Variants in ABHD12B observed in about 807,000 individuals in gnomAD.
ABHD12B encodes protein ABHD12B.
In ABHD12B, 42 loss-of-function variants were observed where a neutral mutation model predicts 50.4. The ratio of observed to expected loss-of-function variants is 0.83; its 90% CI spans 0.65 to 1.08. ABHD12B has a LOEUF of 1.08. ABHD12B is among the 50% of genes least tolerant of loss of function. ABHD12B has a pLI of 0.00. For missense variants in ABHD12B, 479 were observed against 447.7 expected, an observed-to-expected ratio of 1.07 and a Z score of -0.63; for synonymous variants, 167 against 160.3, an observed-to-expected ratio of 1.04 and a Z score of -0.32.
chr14:50,885,322 T>C lies in ABHD12B; in HGVS notation c.487-292T>C, dbSNP rs2050021049. ...AGATGTTTCTGACAGTGCAACAAAC[T>C]TTCTTTTTAATCTTCATCGAATATA... On this transcript the variant is annotated intron_variant, in intron 5 of 12. Transcript: ENST00000337334. 2.0e-5 allele frequency among the ~76,000 whole-genome samples: 3 copies of C among 152,228 alleles called. No homozygotes were observed. The South Asian group carries it at 6.2e-4, about 31-fold the overall frequency.
chr14:50,880,245 C>T (rs181862917), intron 3 of ABHD12B, among the ~76,000 whole-genome samples: 1 of 143,428 alleles, frequency 7.0e-6, no homozygotes, highest in Non-Finnish European at 1.5e-5. Context: ...AAGGCATTGT[C>T]TCTGTGCATG....
chr14:50,878,079 T>C lies in ABHD12B; in HGVS notation c.232T>C (p.Phe78Leu). Residue 78 changes from phenylalanine (F) to leucine (L), a missense_variant and splice_region_variant, in exon 2 of 13, where the codon TTC (phenylalanine) becomes CTC (leucine). Transcript: ENST00000337334. Reference sequence around the variant, plus strand: ...AGACATGCTAATTTATTTTAATTTTTGTAAGTATGGACCTTCCATAAATTT... The same window carrying C: ...AGACATGCTAATTTATTTTAATTTTCGTAAGTATGGACCTTCCATAAATTT... The part of the protein sequence containing the change: ...LIDMLIYFNF[F>L]KAPFLVDLKK... The C allele has an allele frequency of 2.0e-6, 3 of 1,526,028 alleles. No individual in the cohort carries two copies. The highest frequency in any genetic ancestry group is 1.7e-4 in the Middle Eastern group (1 of 5,916). 94.5% of individuals were successfully genotyped at this position (1,526,028 alleles called of 1,614,324 possible). A position where few individuals can be genotyped will look rare whatever the true frequency, so the allele number is the denominator to read the frequency against.
Position 50,885,812 on chromosome 14 carries a change from G to A in ABHD12B, c.579G>A (p.Thr193=), listed in dbSNP as rs1184857016. Residue 193 remains threonine (T), a synonymous_variant, in exon 7 of 13, where the codon ACG becomes ACA. Transcript: ENST00000337334. ...AGCCCACAGAGGAGGGACTGACTAC[G>A]GATGCCATTTGTGTCTATGAGTGGA... The part of the protein sequence containing the change: ...TGKPTEEGLT[T]DAICVYEWTK... The A allele has an allele frequency of 6.2e-6, 10 of 1,614,030 alleles. No individual in the cohort carries two copies. Among genetic ancestry groups the A allele is most frequent in the African/African-American group, 4.0e-5 (3 of 74,886 alleles).
At position 50,903,475 on chromosome 14, in the gene ABHD12B, A is replaced by C. The variant is rs907393173; in HGVS notation, c.942+8A>C. Reference sequence around the variant, plus strand: ...TTGGAGTATGGGAAAAAGGTAAACTAAGGGCTCAATGCTGACTGAAATATA... The same window carrying C: ...TTGGAGTATGGGAAAAAGGTAAACTCAGGGCTCAATGCTGACTGAAATATA... On this transcript the variant is annotated splice_region_variant and intron_variant, in intron 11 of 12. Coordinates refer to ENST00000337334, the MANE Select transcript of ABHD12B (RefSeq NM_001206673.2). 15 of 1,608,760 alleles carry C rather than the reference A, an allele frequency of 9.3e-6. No homozygotes were observed. The highest frequency in any genetic ancestry group is 1.2e-5 in the Non-Finnish European group (14 of 1,176,216).
At chr14:50,897,503 A>G (rs1472639201) in intron 9 of ABHD12B, among the ~76,000 whole-genome samples, 2 of 152,064 alleles carry the variant, frequency 1.3e-5, no homozygotes. Flanking sequence ...CTTTGTTTTG[A>G]TTAGTGTTTG....
At position 50,903,989 on chromosome 14, in the gene ABHD12B, T is replaced by C. The variant is rs1272613355; in HGVS notation, c.943-85T>C. On this transcript the variant is annotated intron_variant, in intron 11 of 12. Coordinates refer to ENST00000337334, the MANE Select transcript of ABHD12B (RefSeq NM_001206673.2). ...TGGAACAAACTCCCCAAGTTAGCTG[T>C]TTCTGTACACTTTTAGGGAAATTGG... 1.3e-5 allele frequency: 14 copies of C among 1,119,544 alleles called. No homozygotes were observed. In the East Asian group the frequency reaches 3.1e-4, roughly 25 times the overall value. The allele number at this position is 1,119,544 out of a possible 1,614,324, so 69.4% of individuals were successfully genotyped here. A position where few individuals can be genotyped will look rare whatever the true frequency, so the allele number is the denominator to read the frequency against.
intron 9 of ABHD12B, among the ~76,000 whole-genome samples, chr14:50,898,268 ATATCT>A (rs1298712828): frequency 6.6e-6 from 1 of 152,218 alleles, no homozygotes; most frequent in African/African-American, 2.4e-5. Context: ...TAATTGTCAC[ATATCT>A]TATAAGAAGA....
chr14:50,885,997 A>T, intron 7 of ABHD12B, 102 bp downstream of exon 7: 1 of 1,516,842 alleles, frequency 6.6e-7, no homozygotes, highest in East Asian at 2.3e-5. Flanking sequence ...GCCAGAAGAC[A>T]GGGACTCTTT....
chr14:50,894,563 G>C (rs61647645), intron 9 of ABHD12B, among the ~76,000 whole-genome samples: 2 of 151,988 alleles, frequency 1.3e-5, no homozygotes, highest in African/African-American at 4.8e-5. Flanking sequence ...CTGCAATGCC[G>C]CTTGACCCCA....
intron 9 of ABHD12B, 137 bp from the exon 10 acceptor site, chr14:50,901,692 G>A (rs1277961574): frequency 1.4e-5 from 6 of 432,352 alleles, no homozygotes; most frequent in Middle Eastern, 6.5e-4. Context: ...TTTTTAAATC[G>A]TAGAAGTTTT....
In ABHD12B at chr14:50,904,694, A is replaced by C. The variant is rs1350395512; in HGVS notation, c.*328A>C. On this transcript the variant is annotated 3_prime_UTR_variant, in exon 13 of 13. Transcript: ENST00000337334. ...TGAATAAGGTAGTTGCTATGGTCCGAATATCTGGGCCTGCCCCCCCAAATT... is the reference window on the plus strand; with the variant it reads ...TGAATAAGGTAGTTGCTATGGTCCGCATATCTGGGCCTGCCCCCCCAAATT... The C allele has an allele frequency of 1.0e-5, 4 of 395,880 alleles. No homozygotes were observed. The highest frequency in any genetic ancestry group is 4.0e-5 in the African/African-American group (2 of 49,590). The allele number at this position is 395,880 out of a possible 1,614,324, so 24.5% of individuals were successfully genotyped here.
At chr14:50,899,912 ACT>A (rs1220956524) in intron 9 of ABHD12B, among the ~76,000 whole-genome samples, 2 of 148,018 alleles carry the variant, frequency 1.4e-5, no homozygotes, top group South Asian at 2.1e-4. Context: ...ACAGAGTGAG[ACT>A]CTGTCTAAAA....
intron 9 of ABHD12B, among the ~76,000 whole-genome samples, chr14:50,899,865 TG>T (rs1388242909): frequency 6.7e-6 from 1 of 149,418 alleles, no homozygotes; most frequent in African/African-American, 2.5e-5. Flanking sequence ...GACGTTGCAG[TG>T]AGCCAAGATT....
chr14:50,900,348 C>T (rs1024314727), intron 9 of ABHD12B, among the ~76,000 whole-genome samples: 1 of 152,188 alleles, frequency 6.6e-6, no homozygotes, highest in Non-Finnish European at 1.5e-5. Context: ...ACAATAGACT[C>T]ATTTTGTCTT....
chr14:50,898,325 T>G (rs2050222519), intron 9 of ABHD12B, among the ~76,000 whole-genome samples: 1 of 152,226 alleles, frequency 6.6e-6, no homozygotes, highest in Non-Finnish European at 1.5e-5. Context: ...TGCAGGCAGA[T>G]AGACTGGAGG....
At chr14:50,887,981 C>T (rs1566489064) in intron 8 of ABHD12B, among the ~76,000 whole-genome samples, 1 of 152,218 alleles carries the variant, frequency 6.6e-6, no homozygotes, top group African/African-American at 2.4e-5. Flanking sequence ...GCAGCTCAAA[C>T]TCTCTGGACT....
intron 9 of ABHD12B, among the ~76,000 whole-genome samples, chr14:50,899,690 G>GA (rs1394808265): frequency 6.6e-6 from 1 of 151,994 alleles, no homozygotes; most frequent in Non-Finnish European, 1.5e-5. Context: ...TTGGGAGGCT[G>GA]AGGCAGGCGG....
chr14:50,879,808 C>A (rs985757139), intron 3 of ABHD12B, among the ~76,000 whole-genome samples: 1 of 152,190 alleles, frequency 6.6e-6, no homozygotes, highest in Non-Finnish European at 1.5e-5. Flanking sequence ...AGTACAGAGG[C>A]CCTGGGGATG....
chr14:50,883,178 G>A (rs2049983530), intron 5 of ABHD12B, among the ~76,000 whole-genome samples: 1 of 152,124 alleles, frequency 6.6e-6, no homozygotes, highest in Non-Finnish European at 1.5e-5. Flanking sequence ...CAAGCTGCCT[G>A]TTTATCCTCT....
Sources: allele counts gnomAD v4.1 joint callset (sites outside exome capture counted in the v4.1 genomes callset), GRCh38; gene constraint gnomAD v4.1.1; transcripts MANE v1.5; gene names NCBI Gene and HGNC (gene_info 2026-07-23, HGNC 2026-07-21).